Variants in AMDHD1 observed in about 807,000 individuals in gnomAD.
AMDHD1 encodes amidohydrolase domain containing 1.
AMDHD1 carries 45 observed loss-of-function variants against 44.1 expected under a neutral mutation model. The ratio of observed to expected loss-of-function variants is 1.02; its 90% CI spans 0.80 to 1.31. AMDHD1 has a LOEUF of 1.31. Among genes scored for constraint, AMDHD1 ranks in the 50% most tolerant of loss-of-function variants. AMDHD1 has a pLI of 0.00. For missense variants in AMDHD1, 586 were observed against 552.1 expected (o/e 1.06, Z -0.61); for synonymous variants, 206 against 205.0 (o/e 1.00, Z -0.04).
At chr12:95,949,160 G>GAAAAAAAAAAAAAAAAAAAAAAAA (rs1358481972) in intron 1 of AMDHD1, among the ~76,000 whole-genome samples, 3 of 101,774 alleles carry the variant, frequency 2.9e-5, no homozygotes, top group Non-Finnish European at 6.7e-5. Context: ...AAAAAAAAAA[G>GAAAAAAAAAAAAAAAAAAAAAAAA]AAAAAAAAAA....
chr12:95,967,740 T>TC lies in AMDHD1; in HGVS notation c.1194-16_1194-15insC, dbSNP rs766307714. 1 of 1,529,766 alleles carries TC rather than the reference T, an allele frequency of 6.5e-7. No individual in the cohort carries two copies. The highest frequency in any genetic ancestry group is 1.4e-5 in the African/African-American group (1 of 70,374). 94.8% of individuals were successfully genotyped at this position (1,529,766 alleles called of 1,614,324 possible). A position where few individuals can be genotyped will look rare whatever the true frequency, so the allele number is the denominator to read the frequency against. On this transcript the variant is annotated splice_polypyrimidine_tract_variant and intron_variant, in intron 8 of 8. Transcript: ENST00000266736. The stretch of plus-strand genomic sequence containing the variant: ...CACATTGAAGTAATATTTGTTGTTT[T>TC]TTTTTTTTTTTCTAGATGGGAGCAT...
chr12:95,955,779 C>G (rs2080546472), intron 3 of AMDHD1, among the ~76,000 whole-genome samples: 1 of 152,166 alleles, frequency 6.6e-6, no homozygotes, highest in Admixed American at 6.5e-5. Context: ...CAGGAGACCC[C>G]AGGCCTGCAT....
chr12:95,960,431 C>G lies in AMDHD1; in HGVS notation c.621C>G (p.Ile207Met). 1.9e-6 allele frequency: 3 copies of G among 1,614,188 alleles called. No homozygotes were observed. The highest frequency in any genetic ancestry group is 2.5e-6 in the Non-Finnish European group (3 of 1,180,034). The change falls in exon 5 of 9, where the codon ATC becomes ATG. Residue 207 changes from isoleucine (I) to methionine (M), a missense_variant. Coordinates refer to ENST00000266736, the MANE Select transcript of AMDHD1 (RefSeq NM_152435.3). ...CTGCTACTGAAGCTGCTGATGACAT[C>G]ATCAATAACCACCTCCCAAAGCTGA... ...GKTATEAADDIINNHLPKLKE... is the reference protein window; with the variant it reads ...GKTATEAADDMINNHLPKLKE...
chr12:95,943,441 G>C lies in AMDHD1; in HGVS notation c.43G>C (p.Val15Leu). ...CCTCCTGCTGGAGAACGCGCAGCAA[G>C]TGGTGCTGGTGTGCGCCCGCGGCGA... ...HSLLLENAQQ[V>L]VLVCARGERF... is the part of the protein sequence containing the mutation. The change falls in exon 1 of 9, where the codon GTG becomes CTG. Residue 15 changes from valine to leucine, a missense_variant. Coordinates refer to ENST00000266736, the MANE Select transcript of AMDHD1 (RefSeq NM_152435.3). The C allele has an allele frequency of 6.6e-7, 1 of 1,504,584 alleles. No homozygotes were observed. The highest frequency in any genetic ancestry group is 8.8e-7 in the Non-Finnish European group (1 of 1,132,514). 93.2% of individuals were successfully genotyped at this position (1,504,584 alleles called of 1,614,324 possible).
chr12:95,961,830 G>A (rs368642236), intron 5 of AMDHD1, among the ~76,000 whole-genome samples: 19 of 152,356 alleles, frequency 1.2e-4, no homozygotes, highest in South Asian at 6.2e-4. Flanking sequence ...AAGGATTTGT[G>A]TTTAAGAATA....
chr12:95,948,720 C>T lies in AMDHD1; in HGVS notation c.138-3997C>T, dbSNP rs1340317665. ...AAAGGCGGGGAAAAGATTGAGAAAT[C>T]GGATGGTTGCCGTGTCTGTGTGGAA... On this transcript the variant is annotated intron_variant, in intron 1 of 8. Transcript: ENST00000266736. Among the ~76,000 whole-genome samples, 2 of 64,890 alleles carry T rather than the reference C, an allele frequency of 3.1e-5. 1 individual carries two copies. The highest frequency in any genetic ancestry group is 5.4e-5 in the Non-Finnish European group (2 of 37,000). The allele number at this position is 64,890 out of a possible 152,430, so 42.6% of individuals were successfully genotyped here. A position where few individuals can be genotyped will look rare whatever the true frequency, so the allele number is the denominator to read the frequency against.
In AMDHD1 at chr12:95,962,373, G is replaced by A. The variant is rs1477249682; in HGVS notation, c.832G>A (p.Ala278Thr). The change falls in exon 6 of 9, where the codon GCG (alanine) becomes ACG (threonine). Residue 278 changes from alanine to threonine, a missense_variant. Ala to Thr is a moderately conservative substitution (Grantham distance 58, BLOSUM62 0). Transcript: ENST00000266736. ...TCCTTAGCTTGGGGCTGAACTGGGAGCGCAGGCAATCAGCCACCTGGAAGA... is the reference window on the plus strand; with the variant it reads ...TCCTTAGCTTGGGGCTGAACTGGGAACGCAGGCAATCAGCCACCTGGAAGA... ...KAAELGAELG[A>T]QAISHLEEVS... 1.2e-6 allele frequency: 2 copies of A among 1,613,680 alleles called. No individual in the cohort carries two copies. The highest frequency in any genetic ancestry group is 2.2e-5 in the South Asian group (2 of 91,004).
chr12:95,960,598 A>T lies in AMDHD1; in HGVS notation c.788A>T (p.Glu263Val). 6.2e-7 allele frequency: 1 copy of T among 1,614,208 alleles called. No homozygotes were observed. Among genetic ancestry groups the T allele is most frequent in the Non-Finnish European group, 8.5e-7 (1 of 1,180,014 alleles). Residue 263 changes from glutamate (E) to valine (V), a missense_variant, in exon 5 of 9, where the codon GAA becomes GTA. Physicochemically the swap from Glu to Val is moderately radical, Grantham distance 121. Coordinates refer to ENST00000266736, the MANE Select transcript of AMDHD1 (RefSeq NM_152435.3). ...TTACAGATTAACTTCCATGGGGATG[A>T]ACTCCACCCGATGAAGGCTGCTGAG... ...IGLQINFHGD[E>V]LHPMKAAELG...
At chr12:95,963,944 C>T (rs4762656) in intron 6 of AMDHD1, among the ~76,000 whole-genome samples, 1 of 151,018 alleles carries the variant, frequency 6.6e-6, no homozygotes, top group Admixed American at 6.6e-5. Flanking sequence ...CAGGAGAATC[C>T]CTTGAACCCA....
chr12:95,961,446 G>A (rs1219276722), intron 5 of AMDHD1, among the ~76,000 whole-genome samples: 1 of 152,210 alleles, frequency 6.6e-6, no homozygotes, highest in East Asian at 1.9e-4. Flanking sequence ...GAAATCAGCA[G>A]TAAGACAAAG....
At chr12:95,945,450 T>C (rs748412813) in intron 1 of AMDHD1, among the ~76,000 whole-genome samples, 5 of 152,204 alleles carry the variant, frequency 3.3e-5, no homozygotes, top group Non-Finnish European at 5.9e-5. Flanking sequence ...ATATATTAGG[T>C]TGGTGCAAAA....
intron 5 of AMDHD1, among the ~76,000 whole-genome samples, chr12:95,961,511 A>G (rs1475987868): frequency 6.6e-6 from 1 of 152,208 alleles, no homozygotes; most frequent in Non-Finnish European, 1.5e-5. Context: ...ACCTAAATAA[A>G]CAAGCCCTTG....
rs1211928181 is a variant in AMDHD1, at chr12:95,956,900, C to T, written c.525C>T (p.Arg175=). The part of the protein sequence containing the change: ...TELKMLRVIE[R]ARRELDIGIS... The stretch of plus-strand genomic sequence containing the variant: ...TCAAGATGCTGCGCGTGATTGAGCG[C>T]GCCCGGCGGGAGCTGGACATCGGCA... Residue 175 remains arginine (R), a synonymous_variant, in exon 4 of 9, where the codon CGC becomes CGT. Transcript: ENST00000266736. The T allele has an allele frequency of 1.9e-6, 3 of 1,613,436 alleles. No individual in the cohort carries two copies. Among genetic ancestry groups the T allele is most frequent in the East Asian group, 4.5e-5 (2 of 44,888 alleles).
chr12:95,953,158 A>T (rs1179696032), intron 2 of AMDHD1, among the ~76,000 whole-genome samples: 3 of 152,134 alleles, frequency 2.0e-5, no homozygotes, highest in Non-Finnish European at 4.4e-5. Context: ...ACTTCTTCCC[A>T]CTCACATGCT....
At chr12:95,966,576 C>T (rs2080612378) in intron 8 of AMDHD1, 68 bp downstream of exon 8, 2 of 1,557,090 alleles carry the variant, frequency 1.3e-6, no homozygotes, top group East Asian at 4.5e-5. Flanking sequence ...GCCTAAATCC[C>T]TTTTCCACTA....
intron 2 of AMDHD1, among the ~76,000 whole-genome samples, 169 bp downstream of exon 2, chr12:95,952,992 T>C (rs2080531937): frequency 6.6e-6 from 1 of 152,234 alleles, no homozygotes; most frequent in African/African-American, 2.4e-5. Flanking sequence ...CTTTCAAACA[T>C]GGTTTCACCT....
At chr12:95,943,591 C>T in intron 1 of AMDHD1, 56 bp downstream of exon 1, 1 of 1,395,626 alleles carries the variant, frequency 7.2e-7, no homozygotes, top group Non-Finnish European at 9.3e-7. Context: ...GGCCGCTCTT[C>T]CTCTCACTGT....
chr12:95,959,308 C>T (rs909565866), intron 4 of AMDHD1, among the ~76,000 whole-genome samples: 1 of 152,212 alleles, frequency 6.6e-6, no homozygotes, highest in African/African-American at 2.4e-5. Context: ...TCCTAAGTTA[C>T]GTGGCCACCA....
Position 95,962,360 on chromosome 12 carries a change from G to C in AMDHD1, c.819G>C (p.Gly273=). Residue 273 remains glycine, a synonymous_variant, in exon 6 of 9, where the codon GGG becomes GGC. Coordinates refer to ENST00000266736, the MANE Select transcript of AMDHD1 (RefSeq NM_152435.3). The part of the protein sequence containing the change: ...ELHPMKAAEL[G]AELGAQAISH... ...TCTCTGCCCATTCTCCTTAGCTTGG[G>C]GCTGAACTGGGAGCGCAGGCAATCA... 1 of 1,613,420 alleles carries C rather than the reference G, an allele frequency of 6.2e-7. No homozygotes were observed. Among genetic ancestry groups the C allele is most frequent in the Non-Finnish European group, 8.5e-7 (1 of 1,179,634 alleles).
Sources: allele counts gnomAD v4.1 joint callset (sites outside exome capture counted in the v4.1 genomes callset), GRCh38; gene constraint gnomAD v4.1.1; transcripts MANE v1.5; gene names NCBI Gene and HGNC (gene_info 2026-07-23, HGNC 2026-07-21).